Variants in DAPP1 observed in about 807,000 individuals in gnomAD.
The protein encoded by DAPP1 is dual adapter for phosphotyrosine and 3-phosphotyrosine and 3-phosphoinositide.
In DAPP1, 20 loss-of-function variants were observed where a neutral mutation model predicts 41.5. That is an observed-to-expected ratio of 0.48 (90% CI 0.34 to 0.70). The LOEUF (loss-of-function observed/expected upper bound fraction) is 0.70, where lower values mean the gene tolerates loss of function less well. DAPP1 is among the 30% of genes least tolerant of loss of function. The probability of loss-of-function intolerance (pLI) is 0.01; values close to 1 mark genes in which losing one functional copy is unlikely to be tolerated. For missense variants in DAPP1, 233 were observed against 333.4 expected, an observed-to-expected ratio of 0.70 and a Z score of 2.35; for synonymous variants, 113 against 116.2, an observed-to-expected ratio of 0.97 and a Z score of 0.18.
chr4:99,848,856 G>A (rs956407640), intron 3 of DAPP1, among the ~76,000 whole-genome samples: 1 of 152,134 alleles, frequency 6.6e-6, no homozygotes. Flanking sequence ...ACCAGGTCAG[G>A]TATTCGAGGG....
chr4:99,872,093 G>A (rs1387395612), downstream of DAPP1, among the ~76,000 whole-genome samples: 2 of 152,168 alleles, frequency 1.3e-5, no homozygotes. Context: ...TGTGAAGAAG[G>A]GTCTATGAGG....
chr4:99,846,792 G>A (rs552583358), intron 3 of DAPP1, among the ~76,000 whole-genome samples: 1 of 152,298 alleles, frequency 6.6e-6, no homozygotes, highest in South Asian at 2.1e-4. Flanking sequence ...TGACTAACTG[G>A]TATGTCTCTC....
At chr4:99,823,558 CCTT>C (rs1560686444) in intron 1 of DAPP1, among the ~76,000 whole-genome samples, 1 of 152,146 alleles carries the variant, frequency 6.6e-6, no homozygotes. Context: ...TCCATCATCT[CCTT>C]CTTGATCTGT....
chr4:99,817,069 C>T (rs189668636), intron 1 of DAPP1, 55 bp downstream of exon 1: 61 of 1,308,916 alleles, frequency 4.7e-5, no homozygotes, highest in Non-Finnish European at 6.0e-5. Flanking sequence ...TGACTCCGCA[C>T]TCCCACCTGC....
intron 1 of DAPP1, among the ~76,000 whole-genome samples, chr4:99,821,517 T>C (rs1018939717): frequency 1.3e-5 from 2 of 152,260 alleles, no homozygotes; most frequent in Non-Finnish European, 2.9e-5. Context: ...CCTTTGCCCA[T>C]GTGAACTTGT....
intron 3 of DAPP1, among the ~76,000 whole-genome samples, chr4:99,850,208 G>A (rs906152624): frequency 1.6e-4 from 24 of 152,140 alleles, no homozygotes; most frequent in African/African-American, 3.1e-4. Flanking sequence ...TCACGAGTTC[G>A]AGACCAGTCT....
chr4:99,828,758 A>G (rs1240675067), intron 1 of DAPP1, among the ~76,000 whole-genome samples: 2 of 152,218 alleles, frequency 1.3e-5, no homozygotes, highest in Non-Finnish European at 2.9e-5. Flanking sequence ...TTACTGTATC[A>G]TGGAAAGGAT....
chr4:99,861,616 C>A lies in DAPP1; in HGVS notation c.528C>A (p.Gly176=). Residue 176 remains glycine (G), a synonymous_variant, in exon 5 of 9, where the codon GGC becomes GGA. Coordinates refer to ENST00000512369, the MANE Select transcript of DAPP1 (RefSeq NM_014395.3). The part of the protein sequence containing the change: ...TKEGYLTKQG[G]LVKTWKTRWF... ...AAGGTTACCTCACCAAACAGGGAGG[C>A]CTGGTCAAGGTAAGGAAGTGTGGTT... The A allele has an allele frequency of 6.4e-7, 1 of 1,573,590 alleles. No individual in the cohort carries two copies.
chr4:99,841,540 G>T (rs1723497429), intron 3 of DAPP1, among the ~76,000 whole-genome samples: 1 of 152,144 alleles, frequency 6.6e-6, no homozygotes, highest in South Asian at 2.1e-4. Flanking sequence ...ACAAGCAGTT[G>T]TTCCCATGAA....
At chr4:99,863,945 T>A (rs1426611723) in intron 7 of DAPP1, 90 bp downstream of exon 7, 1 of 849,418 alleles carries the variant, frequency 1.2e-6, no homozygotes, top group South Asian at 1.6e-5. Flanking sequence ...TATCTTAATG[T>A]CTACAAAGAT....
chr4:99,866,024 G>A lies in DAPP1; in HGVS notation c.687-10G>A. On this transcript the variant is annotated splice_polypyrimidine_tract_variant and intron_variant, in intron 7 of 8. Transcript: ENST00000512369. ...TGCAATATCTTATGTTCTTTCTTTT[G>A]TCCTATTAGTTTGGTATTTCCATTC... 7.4e-7 allele frequency: 1 copy of A among 1,344,398 alleles called. No homozygotes were observed. The highest frequency in any genetic ancestry group is 1.3e-5 in the South Asian group (1 of 78,922). The allele number at this position is 1,344,398 out of a possible 1,614,324, so 83.3% of individuals were successfully genotyped here.
chr4:99,862,416 CACTGAT>C (rs1422594113), intron 5 of DAPP1, among the ~76,000 whole-genome samples: 1 of 152,056 alleles, frequency 6.6e-6, no homozygotes, highest in Non-Finnish European at 1.5e-5. Context: ...TGGTTTTTAC[CACTGAT>C]ACCTTGGAGT....
At chr4:99,847,368 A>G (rs576391364) in intron 3 of DAPP1, among the ~76,000 whole-genome samples, 5 of 152,268 alleles carry the variant, frequency 3.3e-5, no homozygotes, top group African/African-American at 9.6e-5. Context: ...GGGTCCTTCA[A>G]TGCAATTTCA....
At position 99,866,127 on chromosome 4, in the gene DAPP1, A is replaced by T; in HGVS notation, c.774+6A>T. 6.5e-7 allele frequency: 1 copy of T among 1,546,502 alleles called. No individual in the cohort carries two copies. Among genetic ancestry groups the T allele is most frequent in the Non-Finnish European group, 8.9e-7 (1 of 1,122,150 alleles). On this transcript the variant is annotated splice_donor_region_variant and intron_variant, in intron 8 of 8. Transcript: ENST00000512369. ...AGATATTACGCTGGAAATTGGTGAG[A>T]ATTTTTAAGCCTTCAGATGTCAAGT... is the stretch of plus-strand genomic sequence containing the variant.
chr4:99,856,127 C>G (rs1724036624), intron 4 of DAPP1, among the ~76,000 whole-genome samples: 1 of 152,030 alleles, frequency 6.6e-6, no homozygotes, highest in East Asian at 1.9e-4. Flanking sequence ...CCAATACACT[C>G]AGAACTGTTT....
At chr4:99,830,053 T>G (rs1723068303) in intron 1 of DAPP1, among the ~76,000 whole-genome samples, 1 of 152,216 alleles carries the variant, frequency 6.6e-6, no homozygotes, top group African/African-American at 2.4e-5. Context: ...CTGCCTCTTA[T>G]CCCTAATAAC....
At chr4:99,842,321 A>G (rs999247487) in intron 3 of DAPP1, among the ~76,000 whole-genome samples, 1 of 152,224 alleles carries the variant, frequency 6.6e-6, no homozygotes, top group Non-Finnish European at 1.5e-5. Context: ...TATTTATTAC[A>G]ATATAACTCA....
intron 7 of DAPP1, among the ~76,000 whole-genome samples, chr4:99,864,616 A>T (rs1724363587): frequency 6.6e-6 from 1 of 152,318 alleles, no homozygotes; most frequent in Admixed American, 6.5e-5. Context: ...TTGCATAGAC[A>T]TGCCCTGTGA....
chr4:99,840,204 G>A (rs1201522657), intron 2 of DAPP1, 85 bp from the exon 3 acceptor site: 17 of 953,702 alleles, frequency 1.8e-5, no homozygotes, highest in Non-Finnish European at 2.2e-5. Flanking sequence ...AGGGTTAATA[G>A]TGATGCTAAC....
Sources: allele counts gnomAD v4.1 joint callset (sites outside exome capture counted in the v4.1 genomes callset), GRCh38; gene constraint gnomAD v4.1.1; transcripts MANE v1.5; gene names NCBI Gene and HGNC (gene_info 2026-07-23, HGNC 2026-07-21).